PTPRM: variants seen among roughly 807,000 people sequenced by gnomAD.
PTPRM encodes receptor-type tyrosine-protein phosphatase mu.
Under a neutral mutation model 186.7 loss-of-function variants are expected in PTPRM, and 47 were observed. That is an observed-to-expected ratio of 0.25 (90% CI 0.20 to 0.32). The LOEUF is 0.32. Among genes scored for constraint, PTPRM ranks in the 10% least tolerant of loss-of-function variants. The pLI, the probability that PTPRM is intolerant of heterozygous loss-of-function variation, is 1.00. For missense variants in PTPRM, 1,494 were observed against 1,865.0 expected (o/e 0.80, Z 3.66); for synonymous variants, 668 against 674.9 (o/e 0.99, Z 0.16).
intron 21 of PTPRM, among the ~76,000 whole-genome samples, chr18:8,315,792 A>G (rs1242465652): frequency 1.3e-5 from 2 of 152,204 alleles, no homozygotes; most frequent in African/African-American, 2.4e-5. Context: ...AACTATGAGA[A>G]TGTTATCTTT....
intron 2 of PTPRM, chr18:7,814,039 C>A (rs1051691120): frequency 3.3e-5 from 5 of 152,210 alleles, no homozygotes; most frequent in Non-Finnish European, 7.3e-5. Flanking sequence ...TTTGCTGCTT[C>A]TCTTTCTTGG....
At chr18:8,355,889 T>C (rs1396057859) in intron 23 of PTPRM, among the ~76,000 whole-genome samples, 1 of 152,216 alleles carries the variant, frequency 6.6e-6, no homozygotes, top group Non-Finnish European at 1.5e-5. Context: ...AAGGCGCTGA[T>C]GCTAAGACAG....
At chr18:7,843,930 C>G (rs981139461) in intron 2 of PTPRM, among the ~76,000 whole-genome samples, 16 of 152,288 alleles carry the variant, frequency 1.1e-4, no homozygotes, top group Admixed American at 2.6e-4. Flanking sequence ...GTGTGGACCA[C>G]CTGGGGCTGC....
intron 7 of PTPRM, among the ~76,000 whole-genome samples, chr18:8,064,213 C>A (rs2088868786): frequency 6.6e-6 from 1 of 152,096 alleles, no homozygotes; most frequent in Non-Finnish European, 1.5e-5. Context: ...CGAGATGGGG[C>A]AGTAGTTTAC....
intron 7 of PTPRM, among the ~76,000 whole-genome samples, chr18:8,043,409 A>G (rs746239867): frequency 2.0e-5 from 3 of 152,014 alleles, no homozygotes; most frequent in Non-Finnish European, 2.9e-5. Context: ...ATCTTCATCA[A>G]TATGGTCCAC....
At chr18:8,195,799 T>G (rs906207043) in intron 14 of PTPRM, among the ~76,000 whole-genome samples, 1 of 152,112 alleles carries the variant, frequency 6.6e-6, no homozygotes, top group African/African-American at 2.4e-5. Context: ...TGTACACTGT[T>G]CAGGTGATGG....
chr18:8,347,191 C>T (rs2095509975), intron 23 of PTPRM, among the ~76,000 whole-genome samples: 1 of 152,214 alleles, frequency 6.6e-6, no homozygotes, highest in Non-Finnish European at 1.5e-5. Flanking sequence ...AATATTTGCA[C>T]TGGAGCTCGC....
At chr18:8,036,264 TCTACA>T (rs1269583128) in intron 7 of PTPRM, among the ~76,000 whole-genome samples, 1 of 152,250 alleles carries the variant, frequency 6.6e-6, no homozygotes, top group Non-Finnish European at 1.5e-5. Flanking sequence ...TAGAAAATGT[TCTACA>T]CTCTGATTTG....
intron 1 of PTPRM, among the ~76,000 whole-genome samples, chr18:7,601,440 G>T (rs2037400479): frequency 6.6e-6 from 1 of 152,208 alleles, no homozygotes; most frequent in South Asian, 2.1e-4. Context: ...TGGAGGCCAG[G>T]TCTGGAGTCA....
chr18:7,700,058 A>G (rs553560232), intron 1 of PTPRM, among the ~76,000 whole-genome samples: 2 of 152,332 alleles, frequency 1.3e-5, no homozygotes, highest in South Asian at 4.1e-4. Context: ...AGAAGTTTGT[A>G]TGTGTCACAA....
intron 7 of PTPRM, among the ~76,000 whole-genome samples, chr18:7,983,791 T>C (rs1179819472): frequency 6.6e-6 from 1 of 152,188 alleles, no homozygotes; most frequent in Admixed American, 6.5e-5. Flanking sequence ...TCTCAGCACT[T>C]ATTTAATGTG....
intron 14 of PTPRM, among the ~76,000 whole-genome samples, chr18:8,169,536 T>G (rs1246423125): frequency 6.6e-6 from 1 of 152,140 alleles, no homozygotes; most frequent in Non-Finnish European, 1.5e-5. Flanking sequence ...AGCAGTGATT[T>G]AGACATAGAA....
chr18:7,684,515 C>T (rs1018625031), intron 1 of PTPRM, among the ~76,000 whole-genome samples: 5 of 152,070 alleles, frequency 3.3e-5, no homozygotes, highest in East Asian at 1.9e-4. Context: ...TCCCTCTCCC[C>T]GAGCCCTGGC....
chr18:8,248,537 CTAGTGTG>C (rs1481828846), intron 17 of PTPRM, among the ~76,000 whole-genome samples: 2 of 152,268 alleles, frequency 1.3e-5, no homozygotes, highest in East Asian at 3.9e-4. Context: ...TGAATTCTGT[CTAGTGTG>C]ATAGTCATAA....
chr18:8,198,722 C>T (rs1335475678), intron 14 of PTPRM, among the ~76,000 whole-genome samples: 2 of 152,096 alleles, frequency 1.3e-5, no homozygotes, highest in East Asian at 3.9e-4. Flanking sequence ...TGGCTACAAC[C>T]AGTGGGATTG....
intron 6 of PTPRM, among the ~76,000 whole-genome samples, chr18:7,952,287 C>T (rs546498594): frequency 1.3e-5 from 2 of 152,372 alleles, no homozygotes; most frequent in African/African-American, 4.8e-5. Context: ...TGTCCTTTCA[C>T]TTGAATTAAG....
intron 1 of PTPRM, among the ~76,000 whole-genome samples, chr18:7,597,393 C>T (rs545507367): frequency 7.9e-5 from 12 of 152,218 alleles, no homozygotes; most frequent in East Asian, 3.9e-4. Flanking sequence ...CTTTACCTTT[C>T]GGATCAATAT....
At chr18:8,190,830 T>C (rs2093700299) in intron 14 of PTPRM, among the ~76,000 whole-genome samples, 2 of 152,186 alleles carry the variant, frequency 1.3e-5, no homozygotes, top group Admixed American at 1.3e-4. Context: ...AAAACAACAT[T>C]GTCATGGCCA....
chr18:7,680,289 T>A (rs573173922), intron 1 of PTPRM, among the ~76,000 whole-genome samples: 1 of 152,102 alleles, frequency 6.6e-6, no homozygotes, highest in South Asian at 2.1e-4. Context: ...TGGTGCCAGG[T>A]GTGGATTCTG....
Sources: gnomAD v4.1 joint callset for allele counts (sites outside exome capture counted in the v4.1 genomes callset) on GRCh38, gnomAD v4.1.1 for gene constraint, MANE v1.5 for transcripts, NCBI Gene and HGNC (gene_info 2026-07-23, HGNC 2026-07-21) for gene names.